The following SNCAIP variants were observed in gnomAD, a reference collection of about 807,000 sequenced individuals.
The protein encoded by SNCAIP is synuclein alpha interacting protein.
A neutral mutation model predicts 86.7 loss-of-function variants in SNCAIP; 43 were observed. The observed-to-expected ratio is 0.50, with a 90% CI of 0.39 to 0.64. The LOEUF (loss-of-function observed/expected upper bound fraction) is 0.64. Among genes scored for constraint, SNCAIP ranks in the 30% least tolerant of loss-of-function variants. The probability of loss-of-function intolerance (pLI) is 0.00; values close to 1 mark genes in which losing one functional copy is unlikely to be tolerated. For synonymous variants in SNCAIP, 417 were observed against 427.2 expected, an observed-to-expected ratio of 0.98 and a Z score of 0.29; for missense variants, 981 against 1,103.1, an observed-to-expected ratio of 0.89 and a Z score of 1.57.
At chr5:122,427,713 AAC>A (rs1486946821) in intron 5 of SNCAIP, among the ~76,000 whole-genome samples, 1 of 152,134 alleles carries the variant, frequency 6.6e-6, no homozygotes, top group Admixed American at 6.5e-5. Context: ...CACCTCATTA[AAC>A]ACAGTTTTGA....
intron 1 of SNCAIP, among the ~76,000 whole-genome samples, chr5:122,334,670 C>T (rs1434248521): frequency 6.6e-6 from 1 of 152,164 alleles, no homozygotes; most frequent in Non-Finnish European, 1.5e-5. Flanking sequence ...AGACTGGGAA[C>T]TGTGGATTTA....
At chr5:122,323,970 G>C (rs1014381579) in intron 1 of SNCAIP, among the ~76,000 whole-genome samples, 7 of 152,174 alleles carry the variant, frequency 4.6e-5, no homozygotes, top group African/African-American at 1.7e-4. Context: ...ATGAAAGGGA[G>C]TAGCTACATG....
intron 1 of SNCAIP, among the ~76,000 whole-genome samples, chr5:122,386,955 G>A (rs903979703): frequency 7.9e-5 from 12 of 152,162 alleles, no homozygotes; most frequent in African/African-American, 2.7e-4. Flanking sequence ...TCTTGAAAAA[G>A]GTGTGCTGTG....
chr5:122,401,154 T>G, intron 2 of SNCAIP: 3 of 1,543,834 alleles, frequency 1.9e-6, no homozygotes, highest in Non-Finnish European at 2.6e-6. Context: ...CAGTTACTTA[T>G]AAAAGGCCAT....
Position 122,425,278 on chromosome 5 carries a change from G to T in SNCAIP, c.1003-74G>T, listed in dbSNP as rs1361213120. On this transcript the variant is annotated intron_variant, in intron 4 of 10. Coordinates refer to ENST00000261368, the MANE Select transcript of SNCAIP (RefSeq NM_005460.4). ...TATAAGCTCATTTCTTCTTTCCAGT[G>T]CCCAGAGAAAAACTCCTACAGGGTC... is the stretch of plus-strand genomic sequence containing the variant. The T allele has an allele frequency of 8.8e-7, 1 of 1,132,788 alleles. No individual in the cohort carries two copies. Among genetic ancestry groups the T allele is most frequent in the Non-Finnish European group, 1.3e-6 (1 of 741,090 alleles). 70.2% of individuals were successfully genotyped at this position (1,132,788 alleles called of 1,614,324 possible). A position where few individuals can be genotyped will look rare whatever the true frequency, so the allele number is the denominator to read the frequency against.
In SNCAIP at chr5:122,319,748, CTG is replaced by C. The variant is rs201442282; in HGVS notation, c.-47+7468_-47+7469del. On this transcript the variant is annotated intron_variant, in intron 1 of 10. Coordinates refer to ENST00000261368, the MANE Select transcript of SNCAIP (RefSeq NM_005460.4). ...GATATTAGCCATTGTTGAATGTTTA[CTG>C]TGTTTGACATGTAACCATTTATTCA... Among the ~76,000 whole-genome samples the C allele has an allele frequency of 4.3e-3, 651 of 152,338 alleles. 8 individuals are homozygous for C. The highest frequency in any genetic ancestry group is 0.015 in the African/African-American group (609 of 41,582).
At chr5:122,384,805 T>C (rs1767751238) in intron 1 of SNCAIP, among the ~76,000 whole-genome samples, 1 of 152,224 alleles carries the variant, frequency 6.6e-6, no homozygotes, top group East Asian at 1.9e-4. Flanking sequence ...AAATTTGATA[T>C]TCCAAGATGT....
intron 10 of SNCAIP, chr5:122,452,789 C>T (rs1783967291): frequency 3.3e-6 from 2 of 602,134 alleles, no homozygotes; most frequent in East Asian, 2.9e-5. Flanking sequence ...CTCAATTGCC[C>T]ATGCTCCTTA....
At chr5:122,372,589 T>C (rs1397461682) in intron 1 of SNCAIP, among the ~76,000 whole-genome samples, 1 of 152,190 alleles carries the variant, frequency 6.6e-6, no homozygotes, top group East Asian at 1.9e-4. Flanking sequence ...ACTCGAGCAA[T>C]GTATCTCAAT....
chr5:122,415,684 T>C (rs2152907870), intron 3 of SNCAIP, among the ~76,000 whole-genome samples: 1 of 152,302 alleles, frequency 6.6e-6, no homozygotes, highest in East Asian at 1.9e-4. Flanking sequence ...AGATCAGCCC[T>C]GTAAAACATC....
In SNCAIP at chr5:122,449,883, A is replaced by G. The variant is rs1424313386; in HGVS notation, c.1631A>G (p.Gln544Arg). ...VERVTLQNQL[Q>R]QFLEAQKSEG... ...CGTGTCACGCTGCAGAACCAACTCC[A>G]ACAATTTCTAGAAGCCCAGAAATCA... Residue 544 changes from glutamine to arginine, a missense_variant, in exon 9 of 11, where the codon CAA (glutamine) becomes CGA (arginine). Gln to Arg is a conservative substitution (Grantham distance 43). Transcript: ENST00000261368. 2 of 1,614,058 alleles carry G rather than the reference A, an allele frequency of 1.2e-6. No individual in the cohort carries two copies. The highest frequency in any genetic ancestry group is 8.5e-7 in the Non-Finnish European group (1 of 1,179,928).
intron 1 of SNCAIP, chr5:122,383,361 C>G (rs911994615): frequency 2.0e-5 from 3 of 152,908 alleles, no homozygotes; most frequent in African/African-American, 7.2e-5. Flanking sequence ...TGACCCCTTG[C>G]GCTTCCCAAG....
chr5:122,324,857 G>A (rs1318436627), intron 1 of SNCAIP, among the ~76,000 whole-genome samples: 2 of 152,204 alleles, frequency 1.3e-5, no homozygotes, highest in African/African-American at 2.4e-5. Flanking sequence ...CTGGCACATG[G>A]ATTACAAGTT....
At chr5:122,398,694 C>A (rs1223859458) in intron 2 of SNCAIP, among the ~76,000 whole-genome samples, 2 of 152,202 alleles carry the variant, frequency 1.3e-5, no homozygotes, top group East Asian at 3.9e-4. Context: ...CTCTAGCTTG[C>A]AAAGGTGCTT....
intron 1 of SNCAIP, among the ~76,000 whole-genome samples, chr5:122,354,646 ATAT>A (rs796865401): frequency 1.1e-4 from 16 of 152,302 alleles, no homozygotes; most frequent in African/African-American, 3.8e-4. Flanking sequence ...AATCATGTTA[ATAT>A]TATGTGACTC....
chr5:122,361,036 T>G (rs1207662098), intron 1 of SNCAIP, among the ~76,000 whole-genome samples: 1 of 152,096 alleles, frequency 6.6e-6, no homozygotes, highest in East Asian at 1.9e-4. Context: ...AGGCTATTAA[T>G]ACCTATATTC....
chr5:122,401,232 C>T lies in SNCAIP; in HGVS notation c.58-2561C>T, dbSNP rs1009600652. The T allele has an allele frequency of 3.6e-6, 4 of 1,116,654 alleles. No individual in the cohort carries two copies. In the African/African-American group the frequency reaches 6.4e-5, roughly 18 times the overall value. The allele number at this position is 1,116,654 out of a possible 1,614,324, so 69.2% of individuals were successfully genotyped here. On this transcript the variant is annotated intron_variant, in intron 2 of 10. Coordinates refer to ENST00000261368, the MANE Select transcript of SNCAIP (RefSeq NM_005460.4). ...TCAGCTCCCAGATGGTAGCACAATG[C>T]ATACTTGTAAGGGAGACTTCTTGGA...
intron 3 of SNCAIP, among the ~76,000 whole-genome samples, chr5:122,408,327 G>A (rs961090314): frequency 2.0e-5 from 3 of 152,178 alleles, no homozygotes; most frequent in African/African-American, 7.2e-5. Flanking sequence ...GAGCTAGAGT[G>A]TAAAACAAGC....
chr5:122,431,881 C>A, intron 5 of SNCAIP, 88 bp from the exon 6 acceptor site: 1 of 738,626 alleles, frequency 1.4e-6, no homozygotes, highest in Non-Finnish European at 2.5e-6. Flanking sequence ...TATATGATTT[C>A]TTTCCTTGGT....
Sources: allele counts gnomAD v4.1 joint callset (sites outside exome capture counted in the v4.1 genomes callset), GRCh38; gene constraint gnomAD v4.1.1; transcripts MANE v1.5; gene names NCBI Gene and HGNC (gene_info 2026-07-23, HGNC 2026-07-21).